The following PHF20 variants were observed in gnomAD, a reference collection of about 807,000 sequenced individuals.
PHF20 encodes glioma-expressed antigen 2.
PHF20 carries 23 observed loss-of-function variants against 113.5 expected under a neutral mutation model. That is an observed-to-expected ratio of 0.20 (90% CI 0.15 to 0.29). The LOEUF (loss-of-function observed/expected upper bound fraction) is 0.29, where lower values mean the gene tolerates loss of function less well. Among genes scored for constraint, PHF20 ranks in the 10% least tolerant of loss-of-function variants. PHF20 has a pLI of 1.00. For missense variants in PHF20, 943 were observed against 1,219.6 expected (o/e 0.77, Z 3.38); for synonymous variants, 434 against 457.3 (o/e 0.95, Z 0.65).
Position 35,947,975 on chromosome 20 carries a change from A to C in PHF20, c.*348A>C. ...AAAGTTTAGTTGGAGACAGTTGTAA[A>C]TTCAATTTGGAGTTTATTTAATTGA... is the stretch of plus-strand genomic sequence containing the variant. On this transcript the variant is annotated 3_prime_UTR_variant, in exon 18 of 18. Coordinates refer to ENST00000374012, the MANE Select transcript of PHF20 (RefSeq NM_016436.5). 5.0e-6 allele frequency: 1 copy of C among 201,208 alleles called. No individual in the cohort carries two copies. The highest frequency in any genetic ancestry group is 1.0e-5 in the Non-Finnish European group (1 of 98,068). The allele number at this position is 201,208 out of a possible 1,614,324, so 12.5% of individuals were successfully genotyped here.
intron 1 of PHF20, among the ~76,000 whole-genome samples, chr20:35,787,406 C>T (rs1183331801): frequency 1.3e-5 from 2 of 150,790 alleles, no homozygotes; most frequent in South Asian, 4.2e-4. Flanking sequence ...CTCTAACTCC[C>T]GATCTCAGGT....
Position 35,773,437 on chromosome 20 carries a change from T to G in PHF20, c.-33+1358T>G, listed in dbSNP as rs114857349. Among the ~76,000 whole-genome samples the G allele has an allele frequency of 3.3e-3, 500 of 152,324 alleles. 2 individuals carry two copies. Among genetic ancestry groups the G allele is most frequent in the African/African-American group, 0.011 (458 of 41,572 alleles). On this transcript the variant is annotated intron_variant, in intron 1 of 17. Coordinates refer to ENST00000374012, the MANE Select transcript of PHF20 (RefSeq NM_016436.5). Reference sequence around the variant, plus strand: ...TCCTCTGGCGAGTGCGTATCTTTGTTCAGCACGGCACTTTTCTCTGTGCTT... The same window carrying G: ...TCCTCTGGCGAGTGCGTATCTTTGTGCAGCACGGCACTTTTCTCTGTGCTT...
intron 13 of PHF20, among the ~76,000 whole-genome samples, chr20:35,923,891 A>G (rs775989822): frequency 2.0e-5 from 3 of 152,124 alleles, no homozygotes; most frequent in Non-Finnish European, 4.4e-5. Context: ...AGCTGAGACT[A>G]CATGCACACA....
intron 6 of PHF20, among the ~76,000 whole-genome samples, chr20:35,867,771 C>T (rs1600848527): frequency 6.6e-6 from 1 of 151,810 alleles, no homozygotes; most frequent in Non-Finnish European, 1.5e-5. Flanking sequence ...TCTTTTCTGT[C>T]CCTCTTCCCC....
intron 9 of PHF20, among the ~76,000 whole-genome samples, chr20:35,895,748 G>T (rs1292329707): frequency 6.9e-6 from 1 of 144,710 alleles, no homozygotes; most frequent in Non-Finnish European, 1.5e-5. Flanking sequence ...ATGCAATGGC[G>T]CGATCTCAGC....
intron 1 of PHF20, among the ~76,000 whole-genome samples, chr20:35,797,564 C>A (rs1251038070): frequency 1.7e-4 from 25 of 150,282 alleles, no homozygotes; most frequent in African/African-American, 5.8e-4. Flanking sequence ...AGCAACCCCA[C>A]CACCAGAATA....
rs1600829153 is a variant in PHF20 at position 35,853,516 on chromosome 20, G to A, written c.341-4786G>A. Among the ~76,000 whole-genome samples the A allele has an allele frequency of 2.0e-5, 3 of 152,116 alleles. No individual in the cohort carries two copies. In the East Asian group the frequency reaches 5.8e-4, roughly 29 times the overall value. On this transcript the variant is annotated intron_variant, in intron 4 of 17. Coordinates refer to ENST00000374012, the MANE Select transcript of PHF20 (RefSeq NM_016436.5). ...TCCAGTGCTTTTGGAAGTTGAGGAG[G>A]CAGGATTGTTTGAGGCTGGGAGTTT...
chr20:35,803,326 TA>T (rs113680367), intron 2 of PHF20, among the ~76,000 whole-genome samples: 6,446 of 150,542 alleles, frequency 0.043, 162 homozygotes, highest in African/African-American at 0.074. Context: ...GTTTTTGGGC[TA>T]TTTTTTTTTT....
intron 13 of PHF20, among the ~76,000 whole-genome samples, chr20:35,926,485 C>T (rs193222779): frequency 6.1e-4 from 93 of 152,008 alleles, no homozygotes; most frequent in Middle Eastern, 3.4e-3. Flanking sequence ...GTGATCCGCC[C>T]GCCTCGGCCT....
At chr20:35,926,535 G>A (rs866650491) in intron 13 of PHF20, among the ~76,000 whole-genome samples, 5 of 152,068 alleles carry the variant, frequency 3.3e-5, no homozygotes, top group African/African-American at 9.7e-5. Flanking sequence ...CACCGCGCCC[G>A]GCCGACAGAC....
intron 2 of PHF20, among the ~76,000 whole-genome samples, chr20:35,833,076 A>G (rs2042382117): frequency 6.7e-6 from 1 of 148,838 alleles, no homozygotes; most frequent in Admixed American, 6.7e-5. Flanking sequence ...AAAAAAGTAG[A>G]TTTGATTCTG....
chr20:35,864,151 C>T (rs1162782067), intron 6 of PHF20, among the ~76,000 whole-genome samples: 1 of 152,164 alleles, frequency 6.6e-6, no homozygotes, highest in Non-Finnish European at 1.5e-5. Context: ...CAGTGACCTT[C>T]AGACATTCTT....
chr20:35,863,151 A>G lies in PHF20; in HGVS notation c.559A>G (p.Thr187Ala). 1 of 1,613,962 alleles carries G rather than the reference A, an allele frequency of 6.2e-7. No homozygotes were observed. Among genetic ancestry groups the G allele is most frequent in the Non-Finnish European group, 8.5e-7 (1 of 1,179,998 alleles). ...KKDKEDKPLK[T>A]EKRPKQPDKE... Reference sequence around the variant, plus strand: ...AGACAAAGAAGATAAACCCTTAAAGACAGAAAAGCGACCCAAGCAGCCTGA... The same window carrying G: ...AGACAAAGAAGATAAACCCTTAAAGGCAGAAAAGCGACCCAAGCAGCCTGA... The change falls in exon 6 of 18, where the codon ACA becomes GCA. Residue 187 changes from threonine (T) to alanine (A), a missense_variant. By Grantham distance (58) the Thr-to-Ala change is moderately conservative. Around this residue, in one of 3 missense-constraint regions of PHF20, gnomAD observed 592 missense variants for 787.2 expected, o/e 0.75. Coordinates refer to ENST00000374012, the MANE Select transcript of PHF20 (RefSeq NM_016436.5).
At chr20:35,801,088 A>G (rs1308320740) in intron 1 of PHF20, among the ~76,000 whole-genome samples, 1 of 152,208 alleles carries the variant, frequency 6.6e-6, no homozygotes, top group African/African-American at 2.4e-5. Context: ...TCCCCGGTAG[A>G]CTGAAGGGTT....
chr20:35,931,721 G>A (rs527352348), intron 15 of PHF20, among the ~76,000 whole-genome samples: 1 of 152,096 alleles, frequency 6.6e-6, no homozygotes, highest in Non-Finnish European at 1.5e-5. Context: ...GGGAGGCCGA[G>A]GTAGGCGGAT....
Position 35,807,075 on chromosome 20 carries a change from A to G in PHF20, c.83+5470A>G, listed in dbSNP as rs137978601. On this transcript the variant is annotated intron_variant, in intron 2 of 17. Transcript: ENST00000374012. The stretch of plus-strand genomic sequence containing the variant: ...CTCCCAAAGTGCTGGGATTACAGGC[A>G]TGAGCCACTGCACCCGGTCAACCTT... Among the ~76,000 whole-genome samples, 427 of 152,166 alleles carry G rather than the reference A, an allele frequency of 2.8e-3. 2 individuals carry two copies. Among genetic ancestry groups the G allele is most frequent in the African/African-American group, 7.3e-3 (305 of 41,536 alleles).
intron 7 of PHF20, among the ~76,000 whole-genome samples, chr20:35,870,644 T>TTTTTTTTTTTTTTTTTTTTTTTTTTTG (rs1263183287): frequency 1.3e-5 from 2 of 151,820 alleles, no homozygotes; most frequent in East Asian, 1.9e-4. Context: ...TAAACCTTTT[T>TTTTTTTTTTTTTTTTTTTTTTTTTTTG]AAGTCGACTT....
chr20:35,915,351 A>G (rs771414534), intron 12 of PHF20, among the ~76,000 whole-genome samples: 2 of 150,294 alleles, frequency 1.3e-5, no homozygotes, highest in Admixed American at 6.7e-5. Context: ...ATATTTTAAA[A>G]TATATATATA....
chr20:35,910,646 C>G (rs901120160), intron 10 of PHF20, among the ~76,000 whole-genome samples: 84 of 151,904 alleles, frequency 5.5e-4, no homozygotes, highest in African/African-American at 1.8e-3. Flanking sequence ...TTTCTTCCCC[C>G]CCGAGATGGA....
Sources: gnomAD v4.1 joint callset for allele counts (sites outside exome capture counted in the v4.1 genomes callset) on GRCh38, gnomAD v4.1.1 for gene constraint, gnomAD v4.1.1 regional missense constraint, MANE v1.5 for transcripts, NCBI Gene and HGNC (gene_info 2026-07-23, HGNC 2026-07-21) for gene names.